The following ZFHX3 variants were observed in gnomAD, a reference collection of about 807,000 sequenced individuals.
ZFHX3 encodes zinc finger homeobox 3.
Under a neutral mutation model 279.1 loss-of-function variants are expected in ZFHX3, and 42 were observed. That is an observed-to-expected ratio of 0.15 (90% CI 0.12 to 0.19). ZFHX3 has a LOEUF of 0.19. ZFHX3 is among the 10% of genes least tolerant of loss of function. ZFHX3 has a pLI of 1.00. For synonymous variants in ZFHX3, 2,293 were observed against 1,957.8 expected (o/e 1.17, Z -4.52); for missense variants, 4,981 against 4,754.0 (o/e 1.05, Z -1.40).
chr16:73,823,953 G>C (rs1000465893), intron 1 of ZFHX3, among the ~76,000 whole-genome samples: 12 of 152,196 alleles, frequency 7.9e-5, no homozygotes, highest in African/African-American at 2.4e-4. Flanking sequence ...CCAGATTTGT[G>C]CATTTGGGCA....
chr16:73,564,800 T>C (rs1294225393), intron 2 of ZFHX3, among the ~76,000 whole-genome samples: 1 of 152,334 alleles, frequency 6.6e-6, no homozygotes, highest in Non-Finnish European at 1.5e-5. Context: ...AGATGGTAAA[T>C]TTTCCAAAAT....
chr16:73,409,988 A>AG (rs964372568), intron 3 of ZFHX3, among the ~76,000 whole-genome samples: 12 of 106,352 alleles, frequency 1.1e-4, no homozygotes, highest in African/African-American at 4.0e-4. Context: ...TGGGTGGGGC[A>AG]GGGGGGTGGG....
At chr16:72,808,251 A>C (rs990682766) in intron 7 of ZFHX3, 2 of 152,226 alleles carry the variant, frequency 1.3e-5, no homozygotes, top group African/African-American at 4.8e-5. Context: ...CAGAGCAGAG[A>C]TCAAGATCAT....
intron 1 of ZFHX3, among the ~76,000 whole-genome samples, chr16:72,982,328 C>T (rs1419882548): frequency 1.3e-5 from 2 of 152,198 alleles, no homozygotes; most frequent in Admixed American, 1.3e-4. Flanking sequence ...TCTCAAGGTC[C>T]TGCAACTGGT....
rs753685444 is a variant in ZFHX3 at position 73,257,815 on chromosome 16, T to C, written c.-1193-679A>G. 3.3e-5 allele frequency among the ~76,000 whole-genome samples: 5 copies of C among 152,356 alleles called. No individual in the cohort carries two copies. In the East Asian group the frequency reaches 9.6e-4, roughly 29 times the overall value. ...GCCTAACAACCTTACAGGTTGGTTA[T>C]ACAGGCAAGAGCACTTAAGTGGGAG... On this transcript the variant is annotated intron_variant, in intron 4 of 17. Coordinates refer to the ZFHX3 transcript ENST00000641206.
intron 1 of ZFHX3, among the ~76,000 whole-genome samples, chr16:73,773,897 G>T (rs749248722): frequency 1.4e-4 from 22 of 152,050 alleles, no homozygotes; most frequent in Non-Finnish European, 2.5e-4. Context: ...CAGCAATTTG[G>T]GAGGCTAAAT....
intron 3 of ZFHX3, among the ~76,000 whole-genome samples, chr16:73,362,342 G>C (rs1193088433): frequency 6.6e-6 from 1 of 152,182 alleles, no homozygotes; most frequent in Non-Finnish European, 1.5e-5. Flanking sequence ...CCAAGGTCAG[G>C]CTTGCTGCCT....
intron 3 of ZFHX3, among the ~76,000 whole-genome samples, chr16:73,325,167 G>T (rs1385928647): frequency 6.6e-6 from 1 of 152,168 alleles, no homozygotes; most frequent in Non-Finnish European, 1.5e-5. Flanking sequence ...CAATATGGTA[G>T]CTCAGTCCAG....
intron 1 of ZFHX3, among the ~76,000 whole-genome samples, chr16:73,046,989 T>A: frequency 6.6e-6 from 1 of 152,206 alleles, no homozygotes; most frequent in Non-Finnish European, 1.5e-5. Context: ...GCCACGCAAT[T>A]CCCTCTTAGC....
intron 1 of ZFHX3, among the ~76,000 whole-genome samples, chr16:73,866,795 G>T (rs1962034303): frequency 6.6e-6 from 1 of 152,094 alleles, no homozygotes; most frequent in African/African-American, 2.4e-5. Context: ...GTAGGAAAAG[G>T]GCAGAAAATA....
rs1567515721 is a variant in ZFHX3, at chr16:73,546,737, T to TGC, written c.-1546-90480_-1546-90479insGC. ...GCTGCTGCTGCTGCTGCTGCTGCTGTTGCTTCTTTTTCGGCTTCTTCTTCT... is the reference window on the plus strand; with the variant it reads ...GCTGCTGCTGCTGCTGCTGCTGCTGTGCTGCTTCTTTTTCGGCTTCTTCTTCT... On this transcript the variant is annotated intron_variant, in intron 2 of 17. Coordinates refer to the ZFHX3 transcript ENST00000641206. 1.2e-4 allele frequency among the ~76,000 whole-genome samples: 16 copies of TGC among 135,916 alleles called. No individual in the cohort carries two copies. In the South Asian group the frequency reaches 3.1e-3, roughly 26 times the overall value. 89.2% of individuals were successfully genotyped at this position (135,916 alleles called of 152,430 possible).
At chr16:73,457,137 C>T (rs1167739464) in intron 2 of ZFHX3, among the ~76,000 whole-genome samples, 1 of 152,202 alleles carries the variant, frequency 6.6e-6, no homozygotes, top group Non-Finnish European at 1.5e-5. Context: ...TCCTGCACCA[C>T]CTCCCCCAAC....
intron 2 of ZFHX3, among the ~76,000 whole-genome samples, chr16:73,650,218 A>G (rs1343374031): frequency 6.6e-6 from 1 of 152,126 alleles, no homozygotes; most frequent in Non-Finnish European, 1.5e-5. Context: ...TTAAGTAGCT[A>G]TTTAAGATTA....
intron 3 of ZFHX3, among the ~76,000 whole-genome samples, chr16:72,916,142 A>C (rs1261136331): frequency 6.6e-6 from 1 of 152,214 alleles, no homozygotes; most frequent in Non-Finnish European, 1.5e-5. Context: ...CTTACAGAGC[A>C]AGAGACTGAC....
chr16:73,130,097 G>T (rs558354199), intron 7 of ZFHX3, among the ~76,000 whole-genome samples: 1 of 152,184 alleles, frequency 6.6e-6, no homozygotes, highest in African/African-American at 2.4e-5. Flanking sequence ...AATTCCACTG[G>T]GTTCTGTTAT....
chr16:73,431,533 G>A (rs909788780), intron 3 of ZFHX3, among the ~76,000 whole-genome samples: 2 of 152,078 alleles, frequency 1.3e-5, no homozygotes, highest in East Asian at 1.9e-4. Context: ...AGAGGGAGAC[G>A]CTGTCTCAAG....
At chr16:72,995,682 C>G (rs1447518223) in intron 1 of ZFHX3, among the ~76,000 whole-genome samples, 3 of 152,150 alleles carry the variant, frequency 2.0e-5, no homozygotes, top group African/African-American at 7.2e-5. Flanking sequence ...GGGAATCCGC[C>G]CACAAACCCC....
chr16:73,070,671 G>A (rs192160838), intron 8 of ZFHX3, among the ~76,000 whole-genome samples: 5 of 151,828 alleles, frequency 3.3e-5, no homozygotes, highest in Admixed American at 3.3e-4. Context: ...ACCTGGCAAG[G>A]ACCACGTGAC....
chr16:73,153,517 CT>C (rs1967000064), intron 5 of ZFHX3, among the ~76,000 whole-genome samples: 1 of 152,232 alleles, frequency 6.6e-6, no homozygotes, highest in Admixed American at 6.5e-5. Context: ...TGTCCCCTTC[CT>C]TCCCTTGTGT....
Sources: gnomAD v4.1 joint callset for allele counts (sites outside exome capture counted in the v4.1 genomes callset) on GRCh38, gnomAD v4.1.1 for gene constraint, MANE v1.5 for transcripts, NCBI Gene and HGNC (gene_info 2026-07-23, HGNC 2026-07-21) for gene names.